Variants in VPS13B observed in about 807,000 individuals in gnomAD.
VPS13B encodes the protein vacuolar protein sorting 13 homolog B, also known as intermembrane lipid transfer protein VPS13B.
Under a neutral mutation model 426.4 loss-of-function variants are expected in VPS13B, and 285 were observed. The ratio of observed to expected loss-of-function variants is 0.67; its 90% CI spans 0.61 to 0.74. VPS13B has a LOEUF of 0.74. Among genes scored for constraint, VPS13B ranks in the 30% least tolerant of loss-of-function variants. The pLI is 0.00. For synonymous variants in VPS13B, 1,676 were observed against 1,676.4 expected, an observed-to-expected ratio of 1.00 and a Z score of 0.01; for missense variants, 4,537 against 4,782.6, an observed-to-expected ratio of 0.95 and a Z score of 1.51.
intron 30 of VPS13B, among the ~76,000 whole-genome samples, chr8:99,547,958 T>C (rs138380941): frequency 6.6e-6 from 1 of 152,186 alleles, no homozygotes; most frequent in East Asian, 1.9e-4. Flanking sequence ...GACCAGAAAA[T>C]TTAAGTCCTG....
At chr8:99,606,481 A>G (rs1319913272) in intron 33 of VPS13B, among the ~76,000 whole-genome samples, 1 of 148,436 alleles carries the variant, frequency 6.7e-6, no homozygotes, top group Non-Finnish European at 1.5e-5. Flanking sequence ...CCCAGACAAC[A>G]TAGCAAGACT....
rs1554822861 is a variant in VPS13B at position 99,501,900 on chromosome 8, C to CTCCCTCTG, written c.4042+48_4042+49insTGTCCCTC. On this transcript the variant is annotated intron_variant, in intron 26 of 61. Coordinates refer to ENST00000357162, the MANE Select transcript of VPS13B (RefSeq NM_152564.5). ...CTTTCTTCCCTCCCTCCCTCTGTCC[C>CTCCCTCTG]TCCCTCCCTCCCTCCCTCCCTCCCT... 9 of 918,358 alleles carry CTCCCTCTG rather than the reference C, an allele frequency of 9.8e-6. No individual in the cohort carries two copies. In the Admixed American group the frequency reaches 2.0e-4, roughly 21 times the overall value. 56.9% of individuals were successfully genotyped at this position (918,358 alleles called of 1,614,324 possible). A position where few individuals can be genotyped will look rare whatever the true frequency, so the allele number is the denominator to read the frequency against.
At chr8:99,430,640 A>AT (rs1280604669) in intron 21 of VPS13B, among the ~76,000 whole-genome samples, 1 of 151,636 alleles carries the variant, frequency 6.6e-6, no homozygotes, top group African/African-American at 2.4e-5. Context: ...ATTACATTTC[A>AT]TTTTATTAAG....
chr8:99,314,228 A>G (rs1821182972), intron 19 of VPS13B, among the ~76,000 whole-genome samples: 1 of 152,124 alleles, frequency 6.6e-6, no homozygotes, highest in East Asian at 1.9e-4. Flanking sequence ...CCTCAGTTGG[A>G]AATGCAGAAA....
At chr8:99,823,268 C>T (rs1814483784) in intron 50 of VPS13B, among the ~76,000 whole-genome samples, 1 of 152,148 alleles carries the variant, frequency 6.6e-6, no homozygotes, top group African/African-American at 2.4e-5. Context: ...AACTCCCCCA[C>T]GTAGGTACTG....
chr8:99,066,673 G>C (rs1844536709), intron 3 of VPS13B, among the ~76,000 whole-genome samples: 1 of 152,170 alleles, frequency 6.6e-6, no homozygotes, highest in South Asian at 2.1e-4. Flanking sequence ...AAACTAAAGA[G>C]CTTCTGCACA....
intron 17 of VPS13B, among the ~76,000 whole-genome samples, chr8:99,249,501 A>G (rs1391011530): frequency 2.1e-5 from 3 of 145,696 alleles, no homozygotes; most frequent in Non-Finnish European, 4.5e-5. Context: ...GTCTCGGCTC[A>G]CTGCAAGCCC....
intron 12 of VPS13B, among the ~76,000 whole-genome samples, chr8:99,138,201 A>G (rs1263986701): frequency 6.6e-6 from 1 of 152,120 alleles, no homozygotes; most frequent in East Asian, 1.9e-4. Flanking sequence ...ATCTCGGCTC[A>G]CTGCAACTTC....
intron 34 of VPS13B, among the ~76,000 whole-genome samples, chr8:99,643,917 A>G (rs1398056223): frequency 6.6e-6 from 1 of 152,098 alleles, no homozygotes; most frequent in Non-Finnish European, 1.5e-5. Context: ...TGATTCAAGA[A>G]CTCATGCCTA....
At chr8:99,285,806 T>C (rs1479153519) in intron 19 of VPS13B, among the ~76,000 whole-genome samples, 1 of 152,148 alleles carries the variant, frequency 6.6e-6, no homozygotes, top group Non-Finnish European at 1.5e-5. Context: ...TTCTCCTAGT[T>C]GTTCTATACC....
intron 39 of VPS13B, among the ~76,000 whole-genome samples, chr8:99,739,065 C>A (rs1833954702): frequency 6.6e-6 from 1 of 152,242 alleles, no homozygotes; most frequent in Non-Finnish European, 1.5e-5. Context: ...AGGGAATACC[C>A]TTTCCTAGTC....
At chr8:99,437,491 G>A (rs911892019) in intron 22 of VPS13B, among the ~76,000 whole-genome samples, 5 of 151,916 alleles carry the variant, frequency 3.3e-5, no homozygotes, top group Non-Finnish European at 7.4e-5. Context: ...TCCTCGGCAG[G>A]CAGACGACTT....
At chr8:99,802,498 A>G (rs1813177788) in intron 43 of VPS13B, among the ~76,000 whole-genome samples, 2 of 152,216 alleles carry the variant, frequency 1.3e-5, no homozygotes. Context: ...AATAAGACAT[A>G]GTTGTAATAC....
intron 25 of VPS13B, among the ~76,000 whole-genome samples, chr8:99,497,097 T>A (rs1820928183): frequency 7.3e-6 from 1 of 137,216 alleles, no homozygotes; most frequent in Non-Finnish European, 1.5e-5. Flanking sequence ...AATATATATA[T>A]TTATGTAATA....
At chr8:99,303,730 C>CAAAATAAAAAAAAA (rs1820495608) in intron 19 of VPS13B, among the ~76,000 whole-genome samples, 1 of 63,714 alleles carries the variant, frequency 1.6e-5, no homozygotes, top group Non-Finnish European at 2.6e-5. Flanking sequence ...GACTCCGTCT[C>CAAAATAAAAAAAAA]AAAAAAAAAA....
intron 21 of VPS13B, among the ~76,000 whole-genome samples, chr8:99,415,081 A>G (rs1290238914): frequency 6.6e-6 from 1 of 151,746 alleles, no homozygotes; most frequent in African/African-American, 2.4e-5. Context: ...ATAGTCCCAT[A>G]TTTCTTGGAG....
Position 99,399,446 on chromosome 8 carries a change from A to G in VPS13B, c.3082+7742A>G, listed in dbSNP as rs775748359. 2.0e-5 allele frequency among the ~76,000 whole-genome samples: 3 copies of G among 152,164 alleles called. No homozygotes were observed. In the East Asian group the frequency reaches 5.8e-4, roughly 29 times the overall value. The stretch of plus-strand genomic sequence containing the variant: ...AACAGATGCTAGATGATTATTTGAT[A>G]TGTTACCCATATTGTAGATGATTGT... On this transcript the variant is annotated intron_variant, in intron 21 of 61. Coordinates refer to ENST00000357162, the MANE Select transcript of VPS13B (RefSeq NM_152564.5).
intron 31 of VPS13B, among the ~76,000 whole-genome samples, chr8:99,569,394 A>G (rs935732243): frequency 3.3e-5 from 5 of 149,332 alleles, no homozygotes; most frequent in African/African-American, 1.2e-4. Context: ...ATGCCACTCC[A>G]CTCTAGCCTG....
At chr8:99,863,913 C>G (rs1816964744) in intron 58 of VPS13B, among the ~76,000 whole-genome samples, 1 of 152,168 alleles carries the variant, frequency 6.6e-6, no homozygotes, top group Admixed American at 6.5e-5. Context: ...CACTGGCCAG[C>G]CCCAGTCCCA....
Sources: allele counts gnomAD v4.1 joint callset (sites outside exome capture counted in the v4.1 genomes callset), GRCh38; gene constraint gnomAD v4.1.1; transcripts MANE v1.5; gene names NCBI Gene and HGNC (gene_info 2026-07-23, HGNC 2026-07-21).